Variants in ZMAT4 observed in about 807,000 individuals in gnomAD.
ZMAT4 encodes zinc finger matrin-type protein 4.
Under a neutral mutation model 28.7 loss-of-function variants are expected in ZMAT4, and 17 were observed. The observed-to-expected ratio is 0.59, with a 90% confidence interval of 0.41 to 0.89. ZMAT4 has a LOEUF of 0.89. ZMAT4 is among the 40% of genes least tolerant of loss of function. ZMAT4 has a pLI of 0.00. For missense variants in ZMAT4, 240 were observed against 283.8 expected, an observed-to-expected ratio of 0.85 and a Z score of 1.11; for synonymous variants, 117 against 109.2, an observed-to-expected ratio of 1.07 and a Z score of -0.44.
At chr8:40,636,472 T>A (rs1008278182) in intron 5 of ZMAT4, among the ~76,000 whole-genome samples, 2 of 152,196 alleles carry the variant, frequency 1.3e-5, no homozygotes, top group Non-Finnish European at 2.9e-5. Context: ...ACAGTGGAGT[T>A]TTTTTGGTGT....
In ZMAT4 at chr8:40,894,696, A is replaced by G. The variant is rs4736887; in HGVS notation, c.-5+2987T>C. On this transcript the variant is annotated intron_variant, in intron 1 of 6. Coordinates refer to ENST00000297737, the MANE Select transcript of ZMAT4 (RefSeq NM_024645.3). ...GAAATAGCGTGCTCCAACCTCTTCA[A>G]CTTTCTGAGGTGTTCCAGAGTGTTT... Among the ~76,000 whole-genome samples the G allele has an allele frequency of 4.3e-3, 647 of 152,192 alleles. 1 individual carries two copies. The highest frequency in any genetic ancestry group is 0.014 in the African/African-American group (600 of 41,526).
chr8:40,708,582 TC>T (rs1810466520), intron 3 of ZMAT4, among the ~76,000 whole-genome samples: 2 of 141,544 alleles, frequency 1.4e-5, no homozygotes, highest in Non-Finnish European at 3.0e-5. Flanking sequence ...TCTCTCTCTC[TC>T]TCTCTCTCTC....
chr8:40,894,669 T>G (rs1350290307), intron 1 of ZMAT4, among the ~76,000 whole-genome samples: 2 of 152,012 alleles, frequency 1.3e-5, no homozygotes, highest in African/African-American at 4.8e-5. Context: ...CTTGAATACA[T>G]GGAAATAGCG....
intron 6 of ZMAT4, among the ~76,000 whole-genome samples, chr8:40,563,581 T>C (rs1803817340): frequency 6.6e-6 from 1 of 152,144 alleles, no homozygotes; most frequent in Non-Finnish European, 1.5e-5. Flanking sequence ...GCACTACTAG[T>C]AGAAGAAACA....
In ZMAT4 at chr8:40,601,477, G is replaced by GAAAGAAAGAAAGAAAA. The variant is rs796133978; in HGVS notation, c.578-20217_578-20216insTTTTCTTTCTTTCTTT. Among the ~76,000 whole-genome samples the GAAAGAAAGAAAGAAAA allele has an allele frequency of 4.4e-5, 4 of 91,716 alleles. No homozygotes were observed. The East Asian group carries it at 1.1e-3, about 25-fold the overall frequency. 60.2% of individuals were successfully genotyped at this position (91,716 alleles called of 152,430 possible). On this transcript the variant is annotated intron_variant, in intron 5 of 6. Transcript: ENST00000297737. The stretch of plus-strand genomic sequence containing the variant: ...GGAAGGGAGGAAGAAAGGAAAGAAA[G>GAAAGAAAGAAAGAAAA]AAAGAAAGAAAGAAAGAGAGAAAGA...
At chr8:40,871,396 A>C (rs890637152) in intron 1 of ZMAT4, among the ~76,000 whole-genome samples, 1 of 152,196 alleles carries the variant, frequency 6.6e-6, no homozygotes, top group African/African-American at 2.4e-5. Flanking sequence ...CTCAAGTCCA[A>C]AGGGATGTGG....
intron 1 of ZMAT4, among the ~76,000 whole-genome samples, chr8:40,859,407 C>CTTT (rs1817410609): frequency 3.3e-5 from 5 of 152,146 alleles, no homozygotes; most frequent in African/African-American, 1.2e-4. Context: ...AAACCCAAAT[C>CTTT]TTCAATCCCT....
chr8:40,755,487 C>CAA, intron 3 of ZMAT4, among the ~76,000 whole-genome samples: 1 of 152,296 alleles, frequency 6.6e-6, no homozygotes, highest in Admixed American at 6.5e-5. Context: ...GGGTCCCACT[C>CAA]TGTCACCCAG....
chr8:40,796,025 G>A (rs1814580935), intron 2 of ZMAT4, among the ~76,000 whole-genome samples: 1 of 152,146 alleles, frequency 6.6e-6, no homozygotes, highest in Admixed American at 6.5e-5. Flanking sequence ...TGTGTGAAGA[G>A]ATAGAGAATA....
chr8:40,662,832 C>T (rs1454238406), intron 5 of ZMAT4, among the ~76,000 whole-genome samples: 2 of 152,134 alleles, frequency 1.3e-5, no homozygotes, highest in African/African-American at 2.4e-5. Flanking sequence ...TGTACAGGCT[C>T]ATTTTCATTT....
chr8:40,684,870 A>G (rs549974972), intron 4 of ZMAT4, among the ~76,000 whole-genome samples: 1 of 152,250 alleles, frequency 6.6e-6, no homozygotes, highest in East Asian at 1.9e-4. Flanking sequence ...GCCTGTGTCT[A>G]TAACCGCTCT....
In ZMAT4 at chr8:40,600,234, C is replaced by G. The variant is rs573907835; in HGVS notation, c.578-18973G>C. Among the ~76,000 whole-genome samples, 32 of 152,272 alleles carry G rather than the reference C, an allele frequency of 2.1e-4. No homozygotes were observed. The South Asian group carries it at 4.4e-3, about 21-fold the overall frequency. On this transcript the variant is annotated intron_variant, in intron 5 of 6. Transcript: ENST00000297737. ...TTGTTTGTTTGTTTTTGCTTTACTT[C>G]CATAAACTGGATATCCCAATCTGCA...
rs547508040 is a variant in ZMAT4 at position 40,583,649 on chromosome 8, C to A, written c.578-2388G>T. On this transcript the variant is annotated intron_variant, in intron 5 of 6. Coordinates refer to ENST00000297737, the MANE Select transcript of ZMAT4 (RefSeq NM_024645.3). ...TAAGCACGCATCTCTGACACAGCCT[C>A]AGGAGGTCCTGAGGACATGTGCCCA... is the stretch of plus-strand genomic sequence containing the variant. 1.2e-3 allele frequency among the ~76,000 whole-genome samples: 179 copies of A among 152,316 alleles called. 1 individual carries two copies. The highest frequency in any genetic ancestry group is 6.8e-3 in the Middle Eastern group (2 of 294).
intron 3 of ZMAT4, among the ~76,000 whole-genome samples, chr8:40,730,525 T>C (rs1290871979): frequency 6.6e-6 from 1 of 152,208 alleles, no homozygotes; most frequent in Non-Finnish European, 1.5e-5. Flanking sequence ...CAATACTTTA[T>C]TCCTCTAAAA....
rs534331441 is a variant in ZMAT4, at chr8:40,797,227, C to G, written c.102+28348G>C. Among the ~76,000 whole-genome samples the G allele has an allele frequency of 5.8e-4, 88 of 152,326 alleles. 1 individual carries two copies. The highest frequency in any genetic ancestry group is 9.3e-4 in the Non-Finnish European group (63 of 68,036). On this transcript the variant is annotated intron_variant, in intron 2 of 6. Coordinates refer to ENST00000297737, the MANE Select transcript of ZMAT4 (RefSeq NM_024645.3). Reference sequence around the variant, plus strand: ...ACACCACATCCTACTCCACTAGCCACTAACACCAAAAAAAGCACCAGCACC... The same window carrying G: ...ACACCACATCCTACTCCACTAGCCAGTAACACCAAAAAAAGCACCAGCACC...
intron 1 of ZMAT4, among the ~76,000 whole-genome samples, chr8:40,891,264 G>GAGGGGGAAGGGGGA (rs1449023070): frequency 8.9e-6 from 1 of 112,306 alleles, no homozygotes; most frequent in African/African-American, 3.2e-5. Context: ...GGGGAGGGGG[G>GAGGGGGAAGGGGGA]AGGGGGAAGG....
chr8:40,636,551 TAAC>T (rs1343643128), intron 5 of ZMAT4, among the ~76,000 whole-genome samples: 1 of 152,110 alleles, frequency 6.6e-6, no homozygotes, highest in South Asian at 2.1e-4. Context: ...GGAAAACAAA[TAAC>T]AACTTAGAAA....
intron 5 of ZMAT4, among the ~76,000 whole-genome samples, chr8:40,612,018 T>A (rs545098475): frequency 7.7e-4 from 118 of 152,268 alleles, no homozygotes; most frequent in Non-Finnish European, 8.2e-4. Context: ...AGCATGGGCA[T>A]TGGGATGGGA....
intron 3 of ZMAT4, among the ~76,000 whole-genome samples, chr8:40,715,982 G>T (rs949274430): frequency 3.9e-5 from 6 of 152,246 alleles, no homozygotes; most frequent in Non-Finnish European, 8.8e-5. Context: ...CACCCCAAGT[G>T]CTACCTCAGG....
Sources: gnomAD v4.1 joint callset for allele counts (sites outside exome capture counted in the v4.1 genomes callset) on GRCh38, gnomAD v4.1.1 for gene constraint, MANE v1.5 for transcripts, NCBI Gene and HGNC (gene_info 2026-07-23, HGNC 2026-07-21) for gene names.